The following STPG2 variants were observed in gnomAD, a reference collection of about 807,000 sequenced individuals.
STPG2 encodes the protein sperm tail PG-rich repeat containing 2, also known as sperm-tail PG-rich repeat-containing protein 2.
STPG2 carries 56 observed loss-of-function variants against 54.2 expected under a neutral mutation model. The ratio of observed to expected loss-of-function variants is 1.03; its 90% CI spans 0.83 to 1.29. The LOEUF (loss-of-function observed/expected upper bound fraction) is 1.29, where lower values mean the gene tolerates loss of function less well. Ranked by LOEUF, STPG2 falls within the 50% of genes most tolerant of loss-of-function variation. STPG2 has a pLI of 0.00. For synonymous variants in STPG2, 200 were observed against 181.8 expected (o/e 1.10, Z -0.81); for missense variants, 596 against 544.9 (o/e 1.09, Z -0.93).
chr4:97,904,958 A>G (rs1220528812), intron 8 of STPG2, among the ~76,000 whole-genome samples: 3 of 152,104 alleles, frequency 2.0e-5, no homozygotes, highest in Non-Finnish European at 4.4e-5. Flanking sequence ...GGACTATGTG[A>G]AAAGACAAAA....
chr4:97,969,937 A>C (rs1172990215), intron 7 of STPG2, among the ~76,000 whole-genome samples: 1 of 152,012 alleles, frequency 6.6e-6, no homozygotes, highest in Non-Finnish European at 1.5e-5. Context: ...CAAAATCTTA[A>C]GCTGATAAGC....
chr4:97,937,919 G>C (rs11731393), intron 8 of STPG2, among the ~76,000 whole-genome samples: 26,975 of 152,186 alleles, frequency 0.18, 3,050 homozygotes, highest in Non-Finnish European at 0.27. Flanking sequence ...GCTTGGTTGA[G>C]GGGGTGTACT....
intron 8 of STPG2, among the ~76,000 whole-genome samples, chr4:97,869,609 T>C (rs1036022349): frequency 1.3e-5 from 2 of 151,662 alleles, no homozygotes; most frequent in Non-Finnish European, 3.0e-5. Flanking sequence ...GAATGATGCA[T>C]CTGTAACCTT....
At chr4:97,564,609 C>A (rs536221643) in intron 10 of STPG2, among the ~76,000 whole-genome samples, 108 of 152,136 alleles carry the variant, frequency 7.1e-4, no homozygotes, top group African/African-American at 2.3e-3. Context: ...TCCTTCAGGA[C>A]CTCTTTTAGG....
intron 10 of STPG2, among the ~76,000 whole-genome samples, chr4:97,637,659 A>C (rs2148941277): frequency 6.6e-6 from 1 of 152,356 alleles, no homozygotes; most frequent in Admixed American, 6.5e-5. Context: ...AGGATACAAA[A>C]TCAATGTGCA....
intron 10 of STPG2, among the ~76,000 whole-genome samples, chr4:97,573,967 A>G (rs1229848651): frequency 1.3e-5 from 2 of 152,078 alleles, no homozygotes; most frequent in Non-Finnish European, 2.9e-5. Context: ...TTGAAGCATG[A>G]CAAGATAATG....
At chr4:97,630,134 T>C (rs900982224) in intron 10 of STPG2, among the ~76,000 whole-genome samples, 1 of 151,924 alleles carries the variant, frequency 6.6e-6, no homozygotes, top group Non-Finnish European at 1.5e-5. Context: ...CATTGCCTAA[T>C]TTTAAAAACA....
At chr4:98,040,276 T>C (rs922990162) in intron 5 of STPG2, among the ~76,000 whole-genome samples, 1 of 152,050 alleles carries the variant, frequency 6.6e-6, no homozygotes, top group Non-Finnish European at 1.5e-5. Context: ...AAGTTGTCTG[T>C]TCACTCTGTT....
At chr4:97,551,932 G>A (rs1330632861) in intron 4 of STPG2, among the ~76,000 whole-genome samples, 2 of 151,958 alleles carry the variant, frequency 1.3e-5, no homozygotes, top group African/African-American at 4.8e-5. Context: ...AATTCAATGA[G>A]GATAAATGTA....
At chr4:97,555,853 A>G (rs1732066029), downstream of STPG2, among the ~76,000 whole-genome samples, 1 of 152,138 alleles carries the variant, frequency 6.6e-6, no homozygotes. Context: ...AGACACAAAG[A>G]TAAGCTCTTG....
At chr4:97,497,610 C>G (rs1456438688) in intron 4 of STPG2, among the ~76,000 whole-genome samples, 2 of 151,794 alleles carry the variant, frequency 1.3e-5, no homozygotes, top group African/African-American at 4.8e-5. Flanking sequence ...TTATCCTACA[C>G]TCAATATCAG....
At chr4:97,586,293 T>C (rs952090842) in intron 10 of STPG2, among the ~76,000 whole-genome samples, 3 of 151,640 alleles carry the variant, frequency 2.0e-5, no homozygotes, top group Non-Finnish European at 4.4e-5. Flanking sequence ...AAGAAAAATA[T>C]ACTGAAAAAA....
chr4:97,630,878 A>G (rs892248938), intron 10 of STPG2, among the ~76,000 whole-genome samples: 2 of 151,934 alleles, frequency 1.3e-5, no homozygotes, highest in African/African-American at 4.8e-5. Flanking sequence ...TTAATAGACT[A>G]CATGATTCAT....
chr4:97,445,520 G>A (rs532607852), intron 4 of STPG2, among the ~76,000 whole-genome samples: 23 of 152,038 alleles, frequency 1.5e-4, no homozygotes, highest in South Asian at 4.2e-4. Flanking sequence ...TATCATTTTG[G>A]CATGTAATAA....
chr4:98,106,731 C>A (rs914206468), intron 4 of STPG2, among the ~76,000 whole-genome samples: 1 of 152,116 alleles, frequency 6.6e-6, no homozygotes, highest in Non-Finnish European at 1.5e-5. Flanking sequence ...ATAACCAATT[C>A]TCAAGGTTGC....
intron 8 of STPG2, among the ~76,000 whole-genome samples, chr4:97,843,699 T>C (rs1728866419): frequency 6.6e-6 from 1 of 151,910 alleles, no homozygotes; most frequent in Admixed American, 6.6e-5. Flanking sequence ...TCCAGGAAGT[T>C]TAAAAAGAAT....
chr4:97,723,401 A>G (rs916172000), intron 9 of STPG2, among the ~76,000 whole-genome samples: 4 of 152,144 alleles, frequency 2.6e-5, no homozygotes, highest in African/African-American at 9.7e-5. Flanking sequence ...GACGGATTCA[A>G]TGGAAGACCA....
At chr4:97,886,738 T>A (rs1730583397) in intron 8 of STPG2, among the ~76,000 whole-genome samples, 1 of 152,198 alleles carries the variant, frequency 6.6e-6, no homozygotes, top group African/African-American at 2.4e-5. Context: ...TTGATATGGT[T>A]TGGATCTGTG....
intron 10 of STPG2, among the ~76,000 whole-genome samples, chr4:97,672,446 G>A (rs188065841): frequency 2.0e-5 from 3 of 152,028 alleles, no homozygotes; most frequent in Admixed American, 2.0e-4. Context: ...CCAAAGTACT[G>A]GGATTACAGG....
Sources: gnomAD v4.1 joint callset for allele counts (sites outside exome capture counted in the v4.1 genomes callset) on GRCh38, gnomAD v4.1.1 for gene constraint, MANE v1.5 for transcripts, NCBI Gene and HGNC (gene_info 2026-07-23, HGNC 2026-07-21) for gene names.